The following ZNF230 variants were observed in gnomAD, a reference collection of about 807,000 sequenced individuals.
ZNF230 encodes zinc finger protein 230, also known as zinc finger protein FDZF2.
In ZNF230, 12 loss-of-function variants were observed where a neutral mutation model predicts 10.0. The ratio of observed to expected loss-of-function variants is 1.20; its 90% CI spans 0.77 to 1.95. ZNF230 has a LOEUF of 1.95. Ranked by LOEUF, ZNF230 falls within the 30% of genes most tolerant of loss-of-function variation. The probability of loss-of-function intolerance (pLI) is 0.00; values close to 1 mark genes in which losing one functional copy is unlikely to be tolerated. For missense variants in ZNF230, 532 were observed against 565.8 expected (o/e 0.94, Z 0.61); for synonymous variants, 174 against 193.6 (o/e 0.90, Z 0.84).
chr19:44,011,095 G>C lies in ZNF230; in HGVS notation c.1056G>C (p.Leu352Phe). The change falls in exon 5 of 5, where the codon TTG becomes TTC. Residue 352 changes from leucine (L) to phenylalanine (F), a missense_variant. Physicochemically the swap from Leu to Phe is conservative, Grantham distance 22. Coordinates refer to ENST00000429154, the MANE Select transcript of ZNF230 (RefSeq NM_006300.4). ...GCTTCAGATGGTCCTCATATCTTTT[G>C]ATCCATCAGCGAATCCACAGTGGAG... ...GKSFRWSSYL[L>F]IHQRIHSGEK... 6.2e-7 allele frequency: 1 copy of C among 1,614,190 alleles called. No individual in the cohort carries two copies. The highest frequency in any genetic ancestry group is 1.1e-5 in the South Asian group (1 of 91,080).
chr19:44,004,725 C>CAAAAAAAAAAAAA (rs754318339), intron 1 of ZNF230: 1 of 63,062 alleles, frequency 1.6e-5, no homozygotes, highest in Non-Finnish European at 3.3e-5. Context: ...GAGTGAGACT[C>CAAAAAAAAAAAAA]AAAAAAAAAA....
chr19:44,007,023 C>G lies in ZNF230; in HGVS notation c.-56C>G. ...TGGCATTTTCCAGGCACAATTCCAC[C>G]TTCCTTTGTGCTCCATTACTCAAGA... On this transcript the variant is annotated 5_prime_UTR_variant, in exon 2 of 5. Coordinates refer to ENST00000429154, the MANE Select transcript of ZNF230 (RefSeq NM_006300.4). The G allele has an allele frequency of 2.7e-6, 4 of 1,490,202 alleles. No individual in the cohort carries two copies. Among genetic ancestry groups the G allele is most frequent in the Non-Finnish European group, 3.7e-6 (4 of 1,077,104 alleles). 92.3% of individuals were successfully genotyped at this position (1,490,202 alleles called of 1,614,324 possible).
At chr19:44,006,536 C>A (rs545908689) in intron 1 of ZNF230, among the ~76,000 whole-genome samples, 170 of 152,256 alleles carry the variant, frequency 1.1e-3, no homozygotes, top group Admixed American at 9.9e-3. Flanking sequence ...TCTTTAGGAA[C>A]TTTGTAAAGT....
At position 44,010,368 on chromosome 19, in the gene ZNF230, T is replaced by G. The variant is rs1976165149; in HGVS notation, c.329T>G (p.Ile110Ser). The change falls in exon 5 of 5, where the codon ATC becomes AGC. Residue 110 changes from isoleucine (I) to serine (S), a missense_variant. Coordinates refer to ENST00000429154, the MANE Select transcript of ZNF230 (RefSeq NM_006300.4). ...ASDLTQSQDS[I>S]INNSHFFEQG... ...GACTTAACCCAGTCTCAAGACTCCA[T>G]CATAAATAATTCTCACTTCTTTGAA... 6.2e-7 allele frequency: 1 copy of G among 1,614,088 alleles called. No individual in the cohort carries two copies. Among genetic ancestry groups the G allele is most frequent in the African/African-American group, 1.3e-5 (1 of 74,940 alleles).
At chr19:44,005,135 T>G (rs1310882482) in intron 1 of ZNF230, among the ~76,000 whole-genome samples, 1 of 143,188 alleles carries the variant, frequency 7.0e-6, no homozygotes, top group East Asian at 2.0e-4. Context: ...AAAAAAAAAA[T>G]TAAAAACTAA....
chr19:44,006,968 C>T (rs922727511), intron 1 of ZNF230, 43 bp from the exon 2 acceptor site: 4 of 878,674 alleles, frequency 4.6e-6, no homozygotes, highest in Non-Finnish European at 3.7e-6. Flanking sequence ...CCTCCCCAGC[C>T]ACCATTTCAT....
intron 2 of ZNF230, 64 bp downstream of exon 2, chr19:44,007,157 T>C: frequency 6.5e-7 from 1 of 1,545,394 alleles, no homozygotes; most frequent in East Asian, 2.3e-5. Flanking sequence ...GTCATATATT[T>C]TTCTCTGTCT....
At position 44,008,802 on chromosome 19, in the gene ZNF230, T is replaced by C. The variant is rs1017548919; in HGVS notation, c.28T>C (p.Phe10Leu). 6.2e-7 allele frequency: 1 copy of C among 1,613,806 alleles called. No individual in the cohort carries two copies. The highest frequency in any genetic ancestry group is 8.5e-7 in the Non-Finnish European group (1 of 1,179,888). ...CTTGATGTTATAGGAGGCAGTGACC[T>C]TCAAGGATGTGGCTGTGTTCTTCAC... is the stretch of plus-strand genomic sequence containing the variant. The part of the protein sequence containing the change: MTTFKEAVT[F>L]KDVAVFFTEE... Residue 10 changes from phenylalanine (F) to leucine (L), a missense_variant, in exon 3 of 5, where the codon TTC becomes CTC. Phe to Leu is a conservative substitution (Grantham distance 22). Transcript: ENST00000429154.
intron 4 of ZNF230, chr19:44,009,450 T>A (rs1976153525): frequency 1.9e-6 from 1 of 526,324 alleles, no homozygotes; most frequent in African/African-American, 1.9e-5. Flanking sequence ...TACAACCTCT[T>A]TATTGGCTTT....
rs1334940729 is a variant in ZNF230 at position 44,011,089 on chromosome 19, T to C, written c.1050T>C (p.Tyr350=). 10 of 1,614,202 alleles carry C rather than the reference T, an allele frequency of 6.2e-6. No homozygotes were observed. Among genetic ancestry groups the C allele is most frequent in the Non-Finnish European group, 8.5e-6 (10 of 1,180,022 alleles). ...ECGKSFRWSS[Y]LLIHQRIHSG... ...GGAAGAGCTTCAGATGGTCCTCATA[T>C]CTTTTGATCCATCAGCGAATCCACA... The change falls in exon 5 of 5, where the codon TAT becomes TAC. Residue 350 remains tyrosine, a synonymous_variant. Transcript: ENST00000429154.
chr19:44,011,199 C>T lies in ZNF230; in HGVS notation c.1160C>T (p.Thr387Ile), dbSNP rs753794776. 13 of 1,613,884 alleles carry T rather than the reference C, an allele frequency of 8.1e-6. No individual in the cohort carries two copies. In the South Asian group the frequency reaches 8.8e-5, roughly 11 times the overall value. The change falls in exon 5 of 5, where the codon ACT becomes ATT. Residue 387 changes from threonine to isoleucine, a missense_variant. Transcript: ENST00000429154. ...SGLNLHQRVH[T>I]GERPYNCKEC... ...CTTAACTTGCACCAGAGGGTCCATA[C>T]TGGAGAGAGACCTTATAATTGTAAG...
intron 4 of ZNF230, among the ~76,000 whole-genome samples, chr19:44,009,840 CT>C (rs575817943): frequency 3.4e-4 from 52 of 152,334 alleles, no homozygotes; most frequent in South Asian, 2.1e-3. Context: ...GTTCTGACTT[CT>C]TTTTACTTAG....
At chr19:44,004,777 T>C (rs1381685056) in intron 1 of ZNF230, 2 of 147,728 alleles carry the variant, frequency 1.4e-5, no homozygotes, top group Non-Finnish European at 3.0e-5. Context: ...TATTATATAA[T>C]GCTCAATTTT....
rs74967817 is a variant in ZNF230, at chr19:44,012,842, G to A, written c.*1378G>A. ...TTCTGCAATCCAAAGCATTATTTTG[G>A]GTAATCTTACCCTGTTGCACTTGGC... On this transcript the variant is annotated 3_prime_UTR_variant, in exon 5 of 5. Transcript: ENST00000429154. The A allele has an allele frequency of 7.5e-4, 133 of 176,738 alleles. 2 individuals are homozygous for A. The East Asian group carries it at 0.018, about 23-fold the overall frequency. 10.9% of individuals were successfully genotyped at this position (176,738 alleles called of 1,614,324 possible). A position where few individuals can be genotyped will look rare whatever the true frequency, so the allele number is the denominator to read the frequency against.
At position 44,009,685 on chromosome 19, in the gene ZNF230, G is replaced by A. The variant is rs571678259; in HGVS notation, c.229+515G>A. ...GGACGGTCTCCCACCCCTCACCCTC[G>A]AAAGGAGTGGCCAGCCACAACCCTA... On this transcript the variant is annotated intron_variant, in intron 4 of 4. Coordinates refer to ENST00000429154, the MANE Select transcript of ZNF230 (RefSeq NM_006300.4). Among the ~76,000 whole-genome samples the A allele has an allele frequency of 3.3e-5, 5 of 152,110 alleles. No homozygotes were observed. In the South Asian group the frequency reaches 8.3e-4, roughly 25 times the overall value.
At chr19:44,009,256 G>C in intron 4 of ZNF230, 86 bp downstream of exon 4, 1 of 1,418,530 alleles carries the variant, frequency 7.0e-7, no homozygotes, top group Admixed American at 1.9e-5. Context: ...ATATCACCCT[G>C]ATCTAAATTG....
rs1056302145 is a variant in ZNF230 at position 44,007,072 on chromosome 19, A to G, written c.-7A>G. 9.3e-6 allele frequency: 15 copies of G among 1,605,628 alleles called. No individual in the cohort carries two copies. The highest frequency in any genetic ancestry group is 1.3e-5 in the Non-Finnish European group (15 of 1,173,004). The stretch of plus-strand genomic sequence containing the variant: ...GACACTGAAGACTCCAAAAAGTAGT[A>G]GGAAAAATGACCACATTCAAGGTGA... On this transcript the variant is annotated 5_prime_UTR_variant, in exon 2 of 5. Coordinates refer to ENST00000429154, the MANE Select transcript of ZNF230 (RefSeq NM_006300.4).
At chr19:44,003,402 T>C (rs1976088442) in intron 1 of ZNF230, 1 of 152,254 alleles carries the variant, frequency 6.6e-6, no homozygotes, top group Admixed American at 6.5e-5. Flanking sequence ...CTGAAAGAGA[T>C]AACGCAAATG....
chr19:44,006,018 T>C (rs897089911), intron 1 of ZNF230, among the ~76,000 whole-genome samples: 2 of 151,956 alleles, frequency 1.3e-5, no homozygotes, highest in Admixed American at 6.6e-5. Flanking sequence ...TCTAGAAAGA[T>C]TCCACAGTCT....
Sources: gnomAD v4.1 joint callset for allele counts (sites outside exome capture counted in the v4.1 genomes callset) on GRCh38, gnomAD v4.1.1 for gene constraint, MANE v1.5 for transcripts, NCBI Gene and HGNC (gene_info 2026-07-23, HGNC 2026-07-21) for gene names.